The following LGI1 variants were observed in gnomAD, a reference collection of about 807,000 sequenced individuals.
LGI1 encodes leucine-rich glioma-inactivated protein 1.
In LGI1, 11 loss-of-function variants were observed where a neutral mutation model predicts 57.7. That is an observed-to-expected ratio of 0.19 (90% CI 0.12 to 0.32). The LOEUF (loss-of-function observed/expected upper bound fraction) is 0.32, where lower values mean the gene tolerates loss of function less well. LGI1 is among the 10% of genes least tolerant of loss of function. The pLI, the probability that LGI1 is intolerant of heterozygous loss-of-function variation, is 1.00. For synonymous variants in LGI1, 222 were observed against 241.9 expected (o/e 0.92, Z 0.76); for missense variants, 422 against 661.9 (o/e 0.64, Z 3.98).
At chr10:93,766,742 C>T (rs930129062) in intron 2 of LGI1, 1 of 152,068 alleles carries the variant, frequency 6.6e-6, no homozygotes, top group African/African-American at 2.4e-5. Context: ...TTACTGACCT[C>T]GTGATCCTCC....
At chr10:93,774,256 C>A (rs761489589) in intron 2 of LGI1, among the ~76,000 whole-genome samples, 58 of 152,048 alleles carry the variant, frequency 3.8e-4, no homozygotes, top group Admixed American at 3.5e-3. Flanking sequence ...CCAGGTGACA[C>A]CCCACGTTTA....
chr10:93,795,699 C>T (rs995347733), intron 7 of LGI1, among the ~76,000 whole-genome samples: 3 of 152,198 alleles, frequency 2.0e-5, no homozygotes, highest in African/African-American at 7.2e-5. Context: ...CCACAGAATC[C>T]TTCTCAACAC....
intron 4 of LGI1, among the ~76,000 whole-genome samples, chr10:93,784,046 T>A (rs761648083): frequency 6.6e-6 from 1 of 152,178 alleles, no homozygotes; most frequent in Non-Finnish European, 1.5e-5. Context: ...TAAAAGTATC[T>A]ATTGAGGGCT....
At chr10:93,789,026 G>A (rs2059913273) in intron 4 of LGI1, 1 of 152,122 alleles carries the variant, frequency 6.6e-6, no homozygotes, top group South Asian at 2.1e-4. Context: ...TACAGCATTA[G>A]CACTGTGCTA....
intron 4 of LGI1, among the ~76,000 whole-genome samples, chr10:93,781,263 G>T (rs938398363): frequency 1.3e-5 from 2 of 152,108 alleles, no homozygotes; most frequent in Admixed American, 6.5e-5. Flanking sequence ...GGAGGCTGAG[G>T]CAGGAGAATG....
rs1228100364 is a variant in LGI1, at chr10:93,797,095, G to C, written c.966G>C (p.Gln322His). Residue 322 changes from glutamine (Q) to histidine (H), a missense_variant, in exon 8 of 8, where the codon CAG (glutamine) becomes CAC (histidine). By Grantham distance (24) the Gln-to-His change is conservative. Coordinates refer to ENST00000371418, the MANE Select transcript of LGI1 (RefSeq NM_005097.4). This position sits in a 1 kb window ranked among gnomAD's most constrained non-coding sequence, Gnocchi z 6.5. The part of the protein sequence containing the change: ...DSFANKFIKI[Q>H]DIEILKIRKP... ...TTGCAAATAAATTCATAAAAATCCAGGATATTGAAATTCTCAAAATCCGAA... is the reference window on the plus strand; with the variant it reads ...TTGCAAATAAATTCATAAAAATCCACGATATTGAAATTCTCAAAATCCGAA... 3 of 1,613,118 alleles carry C rather than the reference G, an allele frequency of 1.9e-6. No individual in the cohort carries two copies. Among genetic ancestry groups the C allele is most frequent in the Non-Finnish European group, 2.5e-6 (3 of 1,179,546 alleles).
At chr10:93,781,181 A>G (rs2059843678) in intron 4 of LGI1, among the ~76,000 whole-genome samples, 1 of 151,620 alleles carries the variant, frequency 6.6e-6, no homozygotes, top group African/African-American at 2.4e-5. Context: ...ACATGGTGAA[A>G]CCCCATCTCT....
In LGI1 at chr10:93,797,335, T is replaced by C. The variant is rs2059989490; in HGVS notation, c.1206T>C (p.Ser402=). ...QTLRTPHLIL[S]SSSQRPVIYQ... is the part of the protein sequence containing the mutation. ...TCAGAACGCCTCATTTAATTCTGTC[T>C]AGTAGTTCCCAGCGTCCTGTAATTT... Residue 402 remains serine (S), a synonymous_variant, in exon 8 of 8, where the codon TCT becomes TCC. Transcript: ENST00000371418. The surrounding 1 kb of genome is among the most constrained non-coding windows in gnomAD (Gnocchi z 6.5). The C allele has an allele frequency of 6.2e-7, 1 of 1,614,102 alleles. No individual in the cohort carries two copies. The highest frequency in any genetic ancestry group is 1.3e-5 in the African/African-American group (1 of 74,946).
intron 2 of LGI1, chr10:93,771,617 C>A (rs2059741637): frequency 6.6e-6 from 1 of 152,184 alleles, no homozygotes; most frequent in South Asian, 2.1e-4. Context: ...GACTTCACCA[C>A]TACACAATAT....
chr10:93,795,530 T>G (rs1318111617), intron 7 of LGI1, among the ~76,000 whole-genome samples: 1 of 152,180 alleles, frequency 6.6e-6, no homozygotes, highest in Admixed American at 6.5e-5. Flanking sequence ...ACTATTACAC[T>G]GGGGATTAAG....
intron 4 of LGI1, among the ~76,000 whole-genome samples, chr10:93,778,622 C>G (rs2059817988): frequency 6.6e-6 from 1 of 152,166 alleles, no homozygotes; most frequent in South Asian, 2.1e-4. Context: ...ATGAGAACAT[C>G]TACTTAATTG....
At position 93,792,885 on chromosome 10, in the gene LGI1, T is replaced by C; in HGVS notation, c.646T>C (p.Ser216Pro). Residue 216 changes from serine to proline, a missense_variant, in exon 6 of 8, where the codon TCG becomes CCG. By Grantham distance (74) the Ser-to-Pro change is moderately conservative (BLOSUM62 -1). Around this residue, in one of 3 missense-constraint regions of LGI1, gnomAD observed 301 missense variants for 461.7 expected, o/e 0.65. Coordinates refer to ENST00000371418, the MANE Select transcript of LGI1 (RefSeq NM_005097.4). Reference protein sequence around the residue: ...YKKRKINSLSSKDFDCIITEF... With the variant: ...YKKRKINSLSPKDFDCIITEF... ...GAAGCGCAAAATCAATAGTCTCTCC[T>C]CGAAGGATTTTGATTGCATCATTAC... 1 of 1,614,012 alleles carries C rather than the reference T, an allele frequency of 6.2e-7. No individual in the cohort carries two copies. Among genetic ancestry groups the C allele is most frequent in the African/African-American group, 1.3e-5 (1 of 75,008 alleles).
intron 2 of LGI1, among the ~76,000 whole-genome samples, chr10:93,766,228 A>AT (rs1406229297): frequency 1.3e-5 from 2 of 152,258 alleles, no homozygotes; most frequent in Admixed American, 6.5e-5. Flanking sequence ...TGTTAGGCCC[A>AT]TTTTTATATA....
chr10:93,758,595 T>G lies in LGI1; in HGVS notation c.216-165T>G. On this transcript the variant is annotated intron_variant, in intron 1 of 7. Coordinates refer to ENST00000371418, the MANE Select transcript of LGI1 (RefSeq NM_005097.4). The surrounding 1 kb of genome is among the most constrained non-coding windows in gnomAD (Gnocchi z 4.7). ...TTATCATGAGAAACCTGTAGCCGAT[T>G]CATTTCTCTTACTTCATCTGGGAAG... 1.4e-6 allele frequency: 1 copy of G among 692,132 alleles called. No homozygotes were observed. The highest frequency in any genetic ancestry group is 2.5e-6 in the Non-Finnish European group (1 of 398,884). The allele number at this position is 692,132 out of a possible 1,614,324, so 42.9% of individuals were successfully genotyped here. A position where few individuals can be genotyped will look rare whatever the true frequency, so the allele number is the denominator to read the frequency against.
chr10:93,764,138 T>C (rs1431766677), intron 2 of LGI1: 3 of 152,222 alleles, frequency 2.0e-5, no homozygotes, highest in Non-Finnish European at 4.4e-5. Context: ...GACACAAAGA[T>C]GAGTGACACG....
chr10:93,783,291 G>T (rs920429349), intron 4 of LGI1, among the ~76,000 whole-genome samples: 3 of 152,166 alleles, frequency 2.0e-5, no homozygotes, highest in African/African-American at 7.2e-5. Flanking sequence ...CGGGAGAATG[G>T]CGTGAACCCG....
chr10:93,779,527 A>C (rs2059827932), intron 4 of LGI1, among the ~76,000 whole-genome samples: 1 of 144,670 alleles, frequency 6.9e-6, no homozygotes, highest in Non-Finnish European at 1.5e-5. Flanking sequence ...ATGAGAGAGG[A>C]AGGGAAGGGG....
intron 5 of LGI1, 95 bp downstream of exon 5, chr10:93,790,265 T>G (rs2059925463): frequency 9.0e-7 from 1 of 1,106,888 alleles, no homozygotes; most frequent in Admixed American, 2.6e-5. Context: ...AATTGGCTTT[T>G]AAATTAAAAT....
Position 93,790,075 on chromosome 10 carries a change from T to G in LGI1, c.432-24T>G, listed in dbSNP as rs201822203. 9 of 1,307,438 alleles carry G rather than the reference T, an allele frequency of 6.9e-6. No individual in the cohort carries two copies. In the Admixed American group the frequency reaches 1.1e-4, roughly 16 times the overall value. 81.0% of individuals were successfully genotyped at this position (1,307,438 alleles called of 1,614,324 possible). On this transcript the variant is annotated intron_variant, in intron 4 of 7. Coordinates refer to ENST00000371418, the MANE Select transcript of LGI1 (RefSeq NM_005097.4). The stretch of plus-strand genomic sequence containing the variant: ...GTTTAATTTATCACTACAGTTTACA[T>G]CACCTTTTTTTTTTTTTTTCCAGGA...
Sources: gnomAD v4.1 joint callset for allele counts (sites outside exome capture counted in the v4.1 genomes callset) on GRCh38, gnomAD v4.1.1 for gene constraint, gnomAD v4.1.1 regional missense constraint, Gnocchi (gnomAD v3.1) non-coding constraint, MANE v1.5 for transcripts, NCBI Gene and HGNC (gene_info 2026-07-23, HGNC 2026-07-21) for gene names.